The following NR6A1 variants were observed in gnomAD, a reference collection of about 807,000 sequenced individuals.
The protein encoded by NR6A1 is retinoic acid receptor-related testis-associated receptor.
In NR6A1, 7 loss-of-function variants were observed where a neutral mutation model predicts 59.1. The ratio of observed to expected loss-of-function variants is 0.12; its 90% confidence interval spans 0.07 to 0.22. The LOEUF (loss-of-function observed/expected upper bound fraction) is 0.22. Ranked by LOEUF, NR6A1 falls within the 10% of genes least tolerant of loss-of-function variation. NR6A1 has a pLI of 1.00. For synonymous variants in NR6A1, 243 were observed against 236.1 expected, an observed-to-expected ratio of 1.03 and a Z score of -0.27; for missense variants, 468 against 611.6, an observed-to-expected ratio of 0.77 and a Z score of 2.48.
intron 2 of NR6A1, among the ~76,000 whole-genome samples, chr9:124,725,880 T>C (rs957097228): frequency 9.9e-5 from 15 of 152,218 alleles, no homozygotes; most frequent in African/African-American, 3.6e-4. Context: ...AGTTTGCTGG[T>C]TGTGTCATTA....
At chr9:124,691,210 A>G (rs1481176481) in intron 2 of NR6A1, among the ~76,000 whole-genome samples, 1 of 152,244 alleles carries the variant, frequency 6.6e-6, no homozygotes, top group Non-Finnish European at 1.5e-5. Context: ...CATAACACTG[A>G]AAACTCAACA....
At chr9:124,680,372 C>G (rs1838107686) in intron 2 of NR6A1, among the ~76,000 whole-genome samples, 1 of 152,070 alleles carries the variant, frequency 6.6e-6, no homozygotes, top group African/African-American at 2.4e-5. Flanking sequence ...ATTGTCCAAT[C>G]AATATCTATT....
At chr9:124,652,451 A>G (rs143298254) in intron 2 of NR6A1, among the ~76,000 whole-genome samples, 1 of 152,338 alleles carries the variant, frequency 6.6e-6, no homozygotes, top group East Asian at 1.9e-4. Context: ...AAATGAGGAT[A>G]ATACTGTTCC....
At position 124,540,065 on chromosome 9, in the gene NR6A1, G is replaced by A. The variant is rs1297059822; in HGVS notation, c.564C>T (p.Asn188=). Residue 188 remains asparagine (N), a synonymous_variant, in exon 5 of 10, where the codon AAC becomes AAT. Transcript: ENST00000487099. ...ACAGTGTGGAGCCTGGTGAGGGCTG[G>A]TTGCTCTCCGAAGCCCTGTTCCCAG... is the stretch of plus-strand genomic sequence containing the variant. The part of the protein sequence containing the change: ...SSPGNRASES[N]QPSPGSTLSS... 2 of 1,613,060 alleles carry A rather than the reference G, an allele frequency of 1.2e-6. No individual in the cohort carries two copies. The highest frequency in any genetic ancestry group is 1.7e-6 in the Non-Finnish European group (2 of 1,179,566).
intron 2 of NR6A1, among the ~76,000 whole-genome samples, chr9:124,571,038 C>A (rs1303282516): frequency 6.6e-6 from 1 of 152,122 alleles, no homozygotes; most frequent in African/African-American, 2.4e-5. Flanking sequence ...AAATACAGAG[C>A]AGTCAATACT....
intron 2 of NR6A1, among the ~76,000 whole-genome samples, chr9:124,568,394 A>G (rs749269497): frequency 2.0e-5 from 3 of 151,648 alleles, no homozygotes; most frequent in Non-Finnish European, 2.9e-5. Flanking sequence ...GCTGAGGCAG[A>G]ATTGCTTGAA....
chr9:124,771,240 GCT>G lies in NR6A1; in HGVS notation c.-123_-122del. The G allele has an allele frequency of 2.0e-6, 1 of 499,396 alleles. No homozygotes were observed. Among genetic ancestry groups the G allele is most frequent in the Non-Finnish European group, 3.1e-6 (1 of 319,800 alleles). The allele number at this position is 499,396 out of a possible 1,614,324, so 30.9% of individuals were successfully genotyped here. A position where few individuals can be genotyped will look rare whatever the true frequency, so the allele number is the denominator to read the frequency against. The stretch of plus-strand genomic sequence containing the variant: ...AGGAGCCCGCGAGCTCCCGGCCGCG[GCT>G]CTCTCTGGGCCCCGAGCCGCCCGGC... On this transcript the variant is annotated 5_prime_UTR_variant, in exon 1 of 10. Coordinates refer to ENST00000487099, the MANE Select transcript of NR6A1 (RefSeq NM_033334.4).
intron 2 of NR6A1, among the ~76,000 whole-genome samples, chr9:124,720,763 T>C (rs1474399400): frequency 6.6e-6 from 1 of 152,126 alleles, no homozygotes; most frequent in Non-Finnish European, 1.5e-5. Context: ...ATGCTAAGAA[T>C]ATGTGAGATA....
intron 2 of NR6A1, among the ~76,000 whole-genome samples, chr9:124,666,272 G>GTTTTTTTTTTTTTTTT (rs1588760705): frequency 1.6e-5 from 2 of 127,822 alleles, no homozygotes; most frequent in African/African-American, 3.9e-5. Context: ...CCTCTATGTG[G>GTTTTTTTTTTTTTTTT]TTCTTTTTTT....
At chr9:124,593,226 C>T (rs1426682589) in intron 2 of NR6A1, among the ~76,000 whole-genome samples, 1 of 152,086 alleles carries the variant, frequency 6.6e-6, no homozygotes, top group Non-Finnish European at 1.5e-5. Flanking sequence ...TAAATTATCT[C>T]AAAATAACAC....
At chr9:124,544,151 T>C (rs1297894244) in intron 3 of NR6A1, among the ~76,000 whole-genome samples, 1 of 152,242 alleles carries the variant, frequency 6.6e-6, no homozygotes, top group Non-Finnish European at 1.5e-5. Context: ...GTTACAAACA[T>C]CCTGCCAGGA....
chr9:124,720,261 G>C (rs1839527827), intron 2 of NR6A1, among the ~76,000 whole-genome samples: 1 of 152,020 alleles, frequency 6.6e-6, no homozygotes, highest in Non-Finnish European at 1.5e-5. Flanking sequence ...ATGTTGGCCA[G>C]GCTGGTCTCG....
intron 4 of NR6A1, among the ~76,000 whole-genome samples, chr9:124,543,470 T>C (rs902575804): frequency 1.3e-5 from 2 of 152,170 alleles, no homozygotes; most frequent in African/African-American, 4.8e-5. Context: ...CAAAGCAAAG[T>C]AGTCTTGCTC....
chr9:124,749,963 T>C (rs1220630119), intron 1 of NR6A1, among the ~76,000 whole-genome samples: 2 of 152,220 alleles, frequency 1.3e-5, no homozygotes, highest in Non-Finnish European at 2.9e-5. Flanking sequence ...GTTCTGAGTT[T>C]AACAATCTTC....
intron 2 of NR6A1, among the ~76,000 whole-genome samples, chr9:124,708,446 GGAGA>G: frequency 6.6e-6 from 1 of 152,058 alleles, no homozygotes; most frequent in Admixed American, 6.6e-5. Flanking sequence ...GAAAATTTGG[GGAGA>G]GAGAATTTTT....
chr9:124,596,012 T>TA (rs1243591732), intron 2 of NR6A1, among the ~76,000 whole-genome samples: 1 of 152,232 alleles, frequency 6.6e-6, no homozygotes, highest in East Asian at 1.9e-4. Context: ...CTGATAGACT[T>TA]ATTTTCTTTA....
chr9:124,523,986 A>G (rs981033551), intron 9 of NR6A1, among the ~76,000 whole-genome samples: 1 of 152,244 alleles, frequency 6.6e-6, no homozygotes, highest in African/African-American at 2.4e-5. Flanking sequence ...CCAGGATTTT[A>G]TATTGAAATA....
intron 7 of NR6A1, among the ~76,000 whole-genome samples, chr9:124,531,306 T>C: frequency 6.6e-6 from 1 of 152,218 alleles, no homozygotes; most frequent in East Asian, 1.9e-4. Context: ...ACAATCTGCT[T>C]TAAATCAAAT....
chr9:124,529,831 C>G (rs1269051900), intron 7 of NR6A1, among the ~76,000 whole-genome samples: 5 of 151,932 alleles, frequency 3.3e-5, no homozygotes, highest in Non-Finnish European at 7.4e-5. Flanking sequence ...CTCATCATAG[C>G]ACTGTGTTGG....
Sources: gnomAD v4.1 joint callset for allele counts (sites outside exome capture counted in the v4.1 genomes callset) on GRCh38, gnomAD v4.1.1 for gene constraint, MANE v1.5 for transcripts, NCBI Gene and HGNC (gene_info 2026-07-23, HGNC 2026-07-21) for gene names.